The following EHBP1L1 variants were observed in gnomAD, a reference collection of about 807,000 sequenced individuals.
EHBP1L1 encodes EH domain-binding protein 1-like protein 1.
EHBP1L1 carries 122 observed loss-of-function variants against 151.1 expected under a neutral mutation model. That is an observed-to-expected ratio of 0.81 (90% CI 0.70 to 0.94). The LOEUF (loss-of-function observed/expected upper bound fraction) is 0.94, where lower values mean the gene tolerates loss of function less well. Ranked by LOEUF, EHBP1L1 falls within the 40% of genes least tolerant of loss-of-function variation. The probability of loss-of-function intolerance (pLI) is 0.00; values close to 1 mark genes in which losing one functional copy is unlikely to be tolerated. For synonymous variants in EHBP1L1, 878 were observed against 810.1 expected, an observed-to-expected ratio of 1.08 and a Z score of -1.42; for missense variants, 1,941 against 1,959.8, an observed-to-expected ratio of 0.99 and a Z score of 0.18.
rs746572149 is a variant in EHBP1L1 at position 65,591,994 on chromosome 11, C to G, written c.4376C>G (p.Ala1459Gly). ...CCCTCAGACTGGCAGAAAACGTCCG[C>G]TCAGCAGCACCGAGAGCAGCTCCTA... Reference protein sequence around the residue: ...LAIEDWQKTSAQQHREQLLLE... With the variant: ...LAIEDWQKTSGQQHREQLLLE... The change falls in exon 18 of 19, where the codon GCT becomes GGT. Residue 1459 changes from alanine to glycine, a missense_variant. Coordinates refer to ENST00000309295, the MANE Select transcript of EHBP1L1 (RefSeq NM_001099409.3). 4.3e-6 allele frequency: 7 copies of G among 1,612,814 alleles called. No homozygotes were observed. Among genetic ancestry groups the G allele is most frequent in the African/African-American group, 1.3e-5 (1 of 74,890 alleles).
chr11:65,576,283 G>A lies in EHBP1L1; in HGVS notation c.-20G>A. ...CGGGAGCCCCGGGCCTGAGAAGTGGGCGGCGGGGTGGCGGGGGCCATGACC... is the reference window on the plus strand; with the variant it reads ...CGGGAGCCCCGGGCCTGAGAAGTGGACGGCGGGGTGGCGGGGGCCATGACC... On this transcript the variant is annotated 5_prime_UTR_variant, in exon 1 of 19. Transcript: ENST00000309295. The A allele has an allele frequency of 6.4e-7, 1 of 1,565,440 alleles. No homozygotes were observed. Among genetic ancestry groups the A allele is most frequent in the South Asian group, 1.2e-5 (1 of 86,282 alleles).
chr11:65,580,464 C>G lies in EHBP1L1; in HGVS notation c.619C>G (p.Arg207Gly). 6.2e-7 allele frequency: 1 copy of G among 1,612,448 alleles called. No homozygotes were observed. The highest frequency in any genetic ancestry group is 1.1e-5 in the South Asian group (1 of 91,058). Reference sequence around the variant, plus strand: ...CCCAGGAGCCCCGGAGGCCCGGGCTCGAGTCCCCCAGCCAGGTGGGCTCAC... The same window carrying G: ...CCCAGGAGCCCCGGAGGCCCGGGCTGGAGTCCCCCAGCCAGGTGGGCTCAC... ...HGPGAPEARA[R>G]VPQPDPSREL... Residue 207 changes from arginine (R) to glycine (G), a missense_variant, in exon 6 of 19, where the codon CGA becomes GGA. Arg to Gly is a moderately radical substitution (Grantham distance 125). Coordinates refer to ENST00000309295, the MANE Select transcript of EHBP1L1 (RefSeq NM_001099409.3).
In EHBP1L1 at chr11:65,581,844, G is replaced by A; in HGVS notation, c.1172G>A (p.Gly391Glu). Residue 391 changes from glycine (G) to glutamate (E), a missense_variant, in exon 9 of 19, where the codon GGG becomes GAG. By Grantham distance (98) the Gly-to-Glu change is moderately conservative (BLOSUM62 -2). Coordinates refer to ENST00000309295, the MANE Select transcript of EHBP1L1 (RefSeq NM_001099409.3). The stretch of plus-strand genomic sequence containing the variant: ...ACTGAGGACAGGCCAGAGGCCAGTG[G>A]GGTGGACACTGAGCCAAGGTCAGGA... Reference protein sequence around the residue: ...MDTEDRPEASGVDTEPRSGGR... With the variant: ...MDTEDRPEASEVDTEPRSGGR... 1 of 1,613,644 alleles carries A rather than the reference G, an allele frequency of 6.2e-7. No individual in the cohort carries two copies. The highest frequency in any genetic ancestry group is 8.5e-7 in the Non-Finnish European group (1 of 1,179,792).
At chr11:65,591,533 G>C (rs1340717007) in intron 16 of EHBP1L1, 1 of 577,602 alleles carries the variant, frequency 1.7e-6, no homozygotes, top group African/African-American at 1.9e-5. Context: ...CTGTTTATGA[G>C]TACTGTTCAT....
Position 65,580,940 on chromosome 11 carries a change from C to T in EHBP1L1, c.635-118C>T. ...TCTCTTCTCGCAGGCCGGGGCGGTG[C>T]CCTGAGGCCAGGGCGTTTCCCAGGT... On this transcript the variant is annotated intron_variant, in intron 6 of 18. Coordinates refer to ENST00000309295, the MANE Select transcript of EHBP1L1 (RefSeq NM_001099409.3). 5 of 1,459,010 alleles carry T rather than the reference C, an allele frequency of 3.4e-6. No individual in the cohort carries two copies. In the South Asian group the frequency reaches 7.2e-5, roughly 21 times the overall value. The allele number at this position is 1,459,010 out of a possible 1,614,324, so 90.4% of individuals were successfully genotyped here.
At chr11:65,591,654 G>A in intron 16 of EHBP1L1, 146 bp from the exon 17 acceptor site, 1 of 707,232 alleles carries the variant, frequency 1.4e-6, no homozygotes, top group Non-Finnish European at 2.6e-6. Flanking sequence ...GAGACTAGAG[G>A]ATAGCTCTGC....
intron 9 of EHBP1L1, 115 bp downstream of exon 9, chr11:65,583,880 G>C: frequency 1.4e-6 from 2 of 1,421,358 alleles, no homozygotes; most frequent in Non-Finnish European, 1.8e-6. Context: ...GGGGTGGGGG[G>C]CTCAGCTTGA....
Position 65,580,174 on chromosome 11 carries a change from C to T in EHBP1L1, c.406C>T (p.Arg136Trp), listed in dbSNP as rs78892911. The change falls in exon 5 of 19, where the codon CGG (arginine) becomes TGG (tryptophan). Residue 136 changes from arginine to tryptophan, a missense_variant. Physicochemically the swap from Arg to Trp is moderately radical, Grantham distance 101. Transcript: ENST00000309295. ...PVPVQVPVRLRLKPKSVKVVQ... is the reference protein window; with the variant it reads ...PVPVQVPVRLWLKPKSVKVVQ... ...GCCTGTCCAAGTCCCAGTGAGGCTG[C>T]GGCTGAAGCCAAAGTCAGTGAAGGT... 1.5e-4 allele frequency: 234 copies of T among 1,613,526 alleles called. No homozygotes were observed. The African/African-American group carries it at 2.7e-3, about 18-fold the overall frequency.
At chr11:65,586,458 A>G (rs1206422439) in intron 12 of EHBP1L1, among the ~76,000 whole-genome samples, 2 of 152,222 alleles carry the variant, frequency 1.3e-5, no homozygotes, top group African/African-American at 2.4e-5. Flanking sequence ...GAGTGAATTC[A>G]TTGGGAAAGT....
At chr11:65,579,230 CAG>C in intron 2 of EHBP1L1, 95 bp downstream of exon 2, 1 of 1,514,656 alleles carries the variant, frequency 6.6e-7, no homozygotes, top group East Asian at 2.5e-5. Context: ...GGTTCAAGCA[CAG>C]ATCAGAATCC....
chr11:65,588,396 C>T (rs1377851459), intron 12 of EHBP1L1, among the ~76,000 whole-genome samples: 1 of 151,950 alleles, frequency 6.6e-6, no homozygotes, highest in Non-Finnish European at 1.5e-5. Flanking sequence ...GGCTGGGGGG[C>T]TGAGGAGAGA....
At chr11:65,586,060 G>A (rs893764846) in intron 12 of EHBP1L1, among the ~76,000 whole-genome samples, 1 of 152,200 alleles carries the variant, frequency 6.6e-6, no homozygotes, top group African/African-American at 2.4e-5. Flanking sequence ...GCTGGGTGCA[G>A]ACTATCTGTA....
chr11:65,585,206 G>GCGGTCA lies in EHBP1L1; in HGVS notation c.3552_3557dup (p.His1185_Gly1186dup). 8.5e-7 allele frequency: 1 copy of GCGGTCA among 1,173,532 alleles called. No homozygotes were observed. Among genetic ancestry groups the GCGGTCA allele is most frequent in the South Asian group, 2.9e-5 (1 of 34,718 alleles). The allele number at this position is 1,173,532 out of a possible 1,614,324, so 72.7% of individuals were successfully genotyped here. A position where few individuals can be genotyped will look rare whatever the true frequency, so the allele number is the denominator to read the frequency against. On this transcript the variant is annotated inframe_insertion, in exon 12 of 19. Transcript: ENST00000309295. This position sits in a 1 kb window ranked among gnomAD's most constrained non-coding sequence, Gnocchi z 4.0. ...GCCGGAGGCCTGGCGCAGCGGCTGC[G>GCGGTCA]CGGTCACGGGGCCGAGGGGCCCCAG...
chr11:65,583,088 G>A lies in EHBP1L1; in HGVS notation c.2416G>A (p.Val806Ile), dbSNP rs1857723547. ...IQVKEVGGSE[V>I]PEIATGTAET... ...GGTGAAAGAGGTTGGGGGTTCAGAGGTTCCAGAGATAGCGACTGGGACAGC... is the reference window on the plus strand; with the variant it reads ...GGTGAAAGAGGTTGGGGGTTCAGAGATTCCAGAGATAGCGACTGGGACAGC... Residue 806 changes from valine to isoleucine, a missense_variant, in exon 9 of 19, where the codon GTT becomes ATT. Val to Ile is a conservative substitution (Grantham distance 29, BLOSUM62 3). Transcript: ENST00000309295. 1.2e-6 allele frequency: 2 copies of A among 1,613,284 alleles called. No homozygotes were observed. The highest frequency in any genetic ancestry group is 1.7e-6 in the Non-Finnish European group (2 of 1,179,776).
chr11:65,591,789 C>CCCCCCACAA lies in EHBP1L1; in HGVS notation c.4284-10_4284-9insCCCCACAAC. The CCCCCCACAA allele has an allele frequency of 6.5e-7, 1 of 1,540,440 alleles. No homozygotes were observed. On this transcript the variant is annotated splice_polypyrimidine_tract_variant and intron_variant, in intron 16 of 18. Transcript: ENST00000309295. ...CCACCCCCCCGCCACCCACCCCCCGCCACCTTCCAGCATGGAGGAGCAGGA... is the reference window on the plus strand; with the variant it reads ...CCACCCCCCCGCCACCCACCCCCCGCCCCCCACAACACCTTCCAGCATGGAGGAGCAGGA...
rs779679767 is a variant in EHBP1L1, at chr11:65,581,841, G to A, written c.1169G>A (p.Ser390Asn). ...GACACTGAGGACAGGCCAGAGGCCA[G>A]TGGGGTGGACACTGAGCCAAGGTCA... ...EMDTEDRPEA[S>N]GVDTEPRSGG... The change falls in exon 9 of 19, where the codon AGT becomes AAT. Residue 390 changes from serine to asparagine, a missense_variant. Physicochemically the swap from Ser to Asn is conservative, Grantham distance 46. Coordinates refer to ENST00000309295, the MANE Select transcript of EHBP1L1 (RefSeq NM_001099409.3). 1.7e-5 allele frequency: 28 copies of A among 1,613,564 alleles called. No homozygotes were observed. Among genetic ancestry groups the A allele is most frequent in the Non-Finnish European group, 2.3e-5 (27 of 1,179,820 alleles).
Position 65,590,527 on chromosome 11 carries a change from G to C in EHBP1L1, c.4218G>C (p.Gln1406His), listed in dbSNP as rs375496044. 2 of 1,613,624 alleles carry C rather than the reference G, an allele frequency of 1.2e-6. No individual in the cohort carries two copies. Among genetic ancestry groups the C allele is most frequent in the Non-Finnish European group, 1.7e-6 (2 of 1,179,824 alleles). ...AGCTGCAGGAGGAGGTGCTGATCCA[G>C]GAGTGGTTCACCCTGGTCAACAAGA... ...ANKLQEEVLI[Q>H]EWFTLVNKKN... The change falls in exon 16 of 19, where the codon CAG (glutamine) becomes CAC (histidine). Residue 1406 changes from glutamine to histidine, a missense_variant. Coordinates refer to ENST00000309295, the MANE Select transcript of EHBP1L1 (RefSeq NM_001099409.3).
At position 65,589,847 on chromosome 11, in the gene EHBP1L1, C is replaced by T. The variant is rs781149305; in HGVS notation, c.4003+27C>T. 3.0e-5 allele frequency: 46 copies of T among 1,554,126 alleles called. 1 individual carries two copies. In the East Asian group the frequency reaches 3.1e-4, roughly 10 times the overall value. ...TGAGTAGCAGGAGTGGTGACCATCTCAGTTCAGGCTGCTCACAAAGCCTGG... is the reference window on the plus strand; with the variant it reads ...TGAGTAGCAGGAGTGGTGACCATCTTAGTTCAGGCTGCTCACAAAGCCTGG... On this transcript the variant is annotated intron_variant, in intron 13 of 18. Transcript: ENST00000309295.
At chr11:65,581,434 C>G in intron 8 of EHBP1L1, 61 bp downstream of exon 8, 1 of 1,450,026 alleles carries the variant, frequency 6.9e-7, no homozygotes, top group South Asian at 1.4e-5. Flanking sequence ...AGTCCTCACC[C>G]CCACCAACCT....
Sources: gnomAD v4.1 joint callset for allele counts (sites outside exome capture counted in the v4.1 genomes callset) on GRCh38, gnomAD v4.1.1 for gene constraint, Gnocchi (gnomAD v3.1) non-coding constraint, MANE v1.5 for transcripts, NCBI Gene and HGNC (gene_info 2026-07-23, HGNC 2026-07-21) for gene names.